The following SH2D4B variants were observed in gnomAD, a reference collection of about 807,000 sequenced individuals.
SH2D4B encodes the protein SH2 domain-containing protein 4B.
A neutral mutation model predicts 61.5 loss-of-function variants in SH2D4B; 45 were observed. That is an observed-to-expected ratio of 0.73 (90% CI 0.58 to 0.94). SH2D4B has a LOEUF of 0.94. Ranked by LOEUF, SH2D4B falls within the 40% of genes least tolerant of loss-of-function variation. The pLI, the probability that SH2D4B is intolerant of heterozygous loss-of-function variation, is 0.00. For synonymous variants in SH2D4B, 224 were observed against 220.4 expected (o/e 1.02, Z -0.14); for missense variants, 572 against 574.2 (o/e 1.00, Z 0.04).
rs137903491 is a variant in SH2D4B at position 80,591,292 on chromosome 10, G to A, written c.643+2515G>A. On this transcript the variant is annotated intron_variant, in intron 4 of 7. Coordinates refer to ENST00000646907, the MANE Select transcript of SH2D4B (RefSeq NM_001388272.1). ...TAGGAGTGCAGTTTCTGGGTCATAT[G>A]GTATCTTAGTCTTCTATTTTTATAA... Among the ~76,000 whole-genome samples the A allele has an allele frequency of 7.8e-3, 1,183 of 152,026 alleles. 18 individuals are homozygous for A. The highest frequency in any genetic ancestry group is 0.025 in the African/African-American group (1,033 of 41,458).
chr10:80,604,421 C>T (rs1344248318), intron 5 of SH2D4B, among the ~76,000 whole-genome samples: 1 of 152,174 alleles, frequency 6.6e-6, no homozygotes, highest in Non-Finnish European at 1.5e-5. Context: ...TAGGCCACCC[C>T]AAGGTTTGGC....
At chr10:80,544,201 C>T (rs1294524557) in intron 1 of SH2D4B, among the ~76,000 whole-genome samples, 4 of 152,184 alleles carry the variant, frequency 2.6e-5, no homozygotes, top group East Asian at 1.9e-4. Flanking sequence ...CCAGCAAGAC[C>T]GCGAGCCCAC....
intron 7 of SH2D4B, among the ~76,000 whole-genome samples, chr10:80,639,038 T>A (rs1329798283): frequency 3.3e-5 from 5 of 152,252 alleles, no homozygotes; most frequent in African/African-American, 9.6e-5. Context: ...TTCTTTTCGT[T>A]ATGTACCCAG....
chr10:80,552,207 C>T (rs1841770249), intron 1 of SH2D4B, among the ~76,000 whole-genome samples: 2 of 152,196 alleles, frequency 1.3e-5, no homozygotes, highest in Non-Finnish European at 2.9e-5. Context: ...AACAGAGGCT[C>T]ATGCCCAGGG....
intron 6 of SH2D4B, among the ~76,000 whole-genome samples, chr10:80,611,476 ATGGC>A (rs955705582): frequency 7.4e-4 from 112 of 152,314 alleles, no homozygotes; most frequent in African/African-American, 2.6e-3. Flanking sequence ...GACAGCACTC[ATGGC>A]TGACTGAGCC....
At chr10:80,609,814 C>T (rs1026482511) in intron 6 of SH2D4B, among the ~76,000 whole-genome samples, 1 of 152,178 alleles carries the variant, frequency 6.6e-6, no homozygotes, top group Non-Finnish European at 1.5e-5. Flanking sequence ...ACCAAGGGCC[C>T]CTCAGAGGCA....
chr10:80,603,639 A>T lies in SH2D4B; in HGVS notation c.704A>T (p.Glu235Val). Residue 235 changes from glutamate (E) to valine (V), a missense_variant, in exon 5 of 8, where the codon GAG becomes GTG. Transcript: ENST00000646907. Reference protein sequence around the residue: ...RSRRAQRARDEYRHHSLRAIQ... With the variant: ...RSRRAQRARDVYRHHSLRAIQ... ...CGCCGAGCCCAGCGCGCCCGGGACGAGTACCGACACCACTCGCTCCGTGCT... is the reference window on the plus strand; with the variant it reads ...CGCCGAGCCCAGCGCGCCCGGGACGTGTACCGACACCACTCGCTCCGTGCT... The T allele has an allele frequency of 6.2e-7, 1 of 1,600,564 alleles. No individual in the cohort carries two copies. Among genetic ancestry groups the T allele is most frequent in the Non-Finnish European group, 8.5e-7 (1 of 1,174,332 alleles).
intron 4 of SH2D4B, among the ~76,000 whole-genome samples, chr10:80,594,625 C>T (rs886126142): frequency 6.6e-6 from 1 of 152,088 alleles, no homozygotes; most frequent in African/African-American, 2.4e-5. Flanking sequence ...GGTTTCTTTA[C>T]GGGAATTTTT....
chr10:80,611,447 CT>C (rs890903181), intron 6 of SH2D4B, among the ~76,000 whole-genome samples: 14 of 152,176 alleles, frequency 9.2e-5, no homozygotes, highest in Non-Finnish European at 1.5e-4. Context: ...TGGACTGGCT[CT>C]TTAGGGCTCA....
intron 1 of SH2D4B, among the ~76,000 whole-genome samples, chr10:80,558,456 A>G (rs897063072): frequency 3.9e-5 from 6 of 152,000 alleles, no homozygotes; most frequent in Non-Finnish European, 7.4e-5. Context: ...TGTTATTAAT[A>G]TGCCATATAA....
intron 7 of SH2D4B, among the ~76,000 whole-genome samples, chr10:80,634,893 C>G (rs922216554): frequency 1.3e-5 from 2 of 152,320 alleles, no homozygotes; most frequent in South Asian, 4.1e-4. Flanking sequence ...CCTCTAGCAG[C>G]TTCTGAGAGT....
chr10:80,548,911 A>G (rs1003051889), intron 1 of SH2D4B, among the ~76,000 whole-genome samples: 4 of 152,154 alleles, frequency 2.6e-5, no homozygotes, highest in African/African-American at 4.8e-5. Context: ...TAGTTTACAC[A>G]TTTACTTTTA....
At chr10:80,551,827 C>T (rs938215504) in intron 1 of SH2D4B, among the ~76,000 whole-genome samples, 4 of 152,126 alleles carry the variant, frequency 2.6e-5, no homozygotes, top group African/African-American at 9.7e-5. Flanking sequence ...TGTCTTAGTC[C>T]AGGCTGCTAT....
chr10:80,627,072 G>A (rs144119447), intron 6 of SH2D4B, among the ~76,000 whole-genome samples: 16 of 152,270 alleles, frequency 1.1e-4, no homozygotes, highest in Admixed American at 3.3e-4. Flanking sequence ...TGACATAAGC[G>A]TCTCACAGGA....
At chr10:80,597,752 C>T (rs1842401158) in intron 4 of SH2D4B, among the ~76,000 whole-genome samples, 1 of 152,106 alleles carries the variant, frequency 6.6e-6, no homozygotes, top group African/African-American at 2.4e-5. Flanking sequence ...TGGAAAGGCC[C>T]TGCAGAGGAA....
intron 4 of SH2D4B, among the ~76,000 whole-genome samples, chr10:80,602,187 G>A (rs575785664): frequency 7.9e-5 from 12 of 152,294 alleles, no homozygotes; most frequent in East Asian, 3.9e-4. Flanking sequence ...GAGGTCGTGC[G>A]TGGGGGTTCA....
chr10:80,638,252 T>A, intron 7 of SH2D4B, among the ~76,000 whole-genome samples: 1 of 152,226 alleles, frequency 6.6e-6, no homozygotes, highest in East Asian at 1.9e-4. Flanking sequence ...ATTCTCTTTT[T>A]TTGTTGTGTC....
intron 4 of SH2D4B, among the ~76,000 whole-genome samples, chr10:80,600,521 ATGTGTGTGTGTGTG>A (rs67885510): frequency 3.1e-5 from 4 of 127,892 alleles, no homozygotes; most frequent in African/African-American, 5.3e-5. Flanking sequence ...GCAGAGTGGC[ATGTGTGTGTGTGTG>A]TGTGTGTGTG....
At chr10:80,634,603 G>A in intron 7 of SH2D4B, 98 bp downstream of exon 7, 1 of 1,478,956 alleles carries the variant, frequency 6.8e-7, no homozygotes, top group Non-Finnish European at 9.0e-7. Flanking sequence ...TGCTGGCTCT[G>A]GGCAGTGGGG....
Sources: allele counts gnomAD v4.1 joint callset (sites outside exome capture counted in the v4.1 genomes callset), GRCh38; gene constraint gnomAD v4.1.1; transcripts MANE v1.5; gene names NCBI Gene and HGNC (gene_info 2026-07-23, HGNC 2026-07-21).